Variants in INPP1 observed in about 807,000 individuals in gnomAD.
The protein encoded by INPP1 is inositol polyphosphate 1-phosphatase.
Under a neutral mutation model 23.0 loss-of-function variants are expected in INPP1, and 18 were observed. The observed-to-expected ratio is 0.78, with a 90% CI of 0.54 to 1.16. The LOEUF is 1.16. INPP1 is among the 50% of genes most tolerant of loss of function. The pLI, the probability that INPP1 is intolerant of heterozygous loss-of-function variation, is 0.00. For missense variants in INPP1, 448 were observed against 482.1 expected (o/e 0.93, Z 0.66); for synonymous variants, 164 against 176.3 (o/e 0.93, Z 0.55).
At chr2:190,347,513 A>G (rs1689241760) in intron 1 of INPP1, among the ~76,000 whole-genome samples, 1 of 151,928 alleles carries the variant, frequency 6.6e-6, no homozygotes, top group South Asian at 2.1e-4. Flanking sequence ...TCCTCTTTAC[A>G]TTGCTTTTCT....
At position 190,367,302 on chromosome 2, in the gene INPP1, T is replaced by A. The variant is rs890281071; in HGVS notation, c.466+407T>A. On this transcript the variant is annotated intron_variant, in intron 5 of 6. Coordinates refer to ENST00000392329, the MANE Select transcript of INPP1 (RefSeq NM_001128928.2). This position sits in a 1 kb window ranked among gnomAD's most constrained non-coding sequence, Gnocchi z 4.1. ...TTAGCTTTAGCAGATTGTTACCATA[T>A]GGGAGTACAGGCCAGCTCTTCAGAT... Among the ~76,000 whole-genome samples, 12 of 152,196 alleles carry A rather than the reference T, an allele frequency of 7.9e-5. No homozygotes were observed. The highest frequency in any genetic ancestry group is 2.9e-4 in the African/African-American group (12 of 41,444).
Position 190,367,023 on chromosome 2 carries a change from A to G in INPP1, c.466+128A>G, listed in dbSNP as rs1404549878. 17 of 633,626 alleles carry G rather than the reference A, an allele frequency of 2.7e-5. No homozygotes were observed. Among genetic ancestry groups the G allele is most frequent in the Admixed American group, 5.8e-5 (2 of 34,646 alleles). 39.3% of individuals were successfully genotyped at this position (633,626 alleles called of 1,614,324 possible). A position where few individuals can be genotyped will look rare whatever the true frequency, so the allele number is the denominator to read the frequency against. ...CTCTGCTAGAAGTTTTTAAAATTTT[A>G]AAGTTTTAAAACAATGAGAGTTGAG... On this transcript the variant is annotated intron_variant, in intron 5 of 6. Coordinates refer to ENST00000392329, the MANE Select transcript of INPP1 (RefSeq NM_001128928.2). The surrounding 1 kb of genome is among the most constrained non-coding windows in gnomAD (Gnocchi z 4.1).
chr2:190,357,705 A>G (rs1689444079), intron 2 of INPP1, among the ~76,000 whole-genome samples: 1 of 152,252 alleles, frequency 6.6e-6, no homozygotes, highest in South Asian at 2.1e-4. Flanking sequence ...AACTGGAGTT[A>G]CTGACTAAAG....
chr2:190,366,428 TGTCTCACTC>T (rs1689674181), intron 4 of INPP1, among the ~76,000 whole-genome samples: 21 of 144,618 alleles, frequency 1.5e-4, no homozygotes, highest in Admixed American at 1.4e-3. Context: ...TGTCTCACTC[TGTCTCACTC>T]TGTCTCACTC....
rs1689224182 is a variant in INPP1, at chr2:190,346,779, T to TA, written c.-208-2105dup. ...ACGTGCCACCATCCCAGCTAATTTT[T>TA]AAAATTGTAGAGATGGGGTCCCACT... On this transcript the variant is annotated intron_variant, in intron 1 of 6. Coordinates refer to ENST00000392329, the MANE Select transcript of INPP1 (RefSeq NM_001128928.2). The surrounding 1 kb of genome is among the most constrained non-coding windows in gnomAD (Gnocchi z 5.1). Among the ~76,000 whole-genome samples the TA allele has an allele frequency of 6.6e-6, 1 of 151,888 alleles. No individual in the cohort carries two copies. Among genetic ancestry groups the TA allele is most frequent in the Non-Finnish European group, 1.5e-5 (1 of 67,988 alleles).
chr2:190,370,392 A>G (rs560082405), intron 6 of INPP1, among the ~76,000 whole-genome samples: 1 of 152,386 alleles, frequency 6.6e-6, no homozygotes, highest in East Asian at 1.9e-4. Flanking sequence ...TTGGAAGCCA[A>G]CGTGAAACTA....
chr2:190,370,886 C>T lies in INPP1; in HGVS notation c.684C>T (p.Thr228=), dbSNP rs767807973. The change falls in exon 7 of 7, where the codon ACC becomes ACT. Residue 228 remains threonine, a synonymous_variant. Coordinates refer to ENST00000392329, the MANE Select transcript of INPP1 (RefSeq NM_001128928.2). ...QCYWGLSYMG[T]NMHSLQLTIS... is the part of the protein sequence containing the mutation. ...ATTGGGGCCTTTCTTACATGGGGAC[C>T]AACATGCATTCACTACAGCTCACCA... 6 of 1,613,742 alleles carry T rather than the reference C, an allele frequency of 3.7e-6. No homozygotes were observed. The highest frequency in any genetic ancestry group is 1.7e-5 in the Admixed American group (1 of 59,982).
chr2:190,369,385 G>T, intron 6 of INPP1, 108 bp downstream of exon 6: 3 of 532,106 alleles, frequency 5.6e-6, no homozygotes, highest in Non-Finnish European at 6.6e-6. Context: ...TTAACACATG[G>T]GAGTGTTGCC....
chr2:190,357,387 T>C (rs2067392), intron 2 of INPP1, among the ~76,000 whole-genome samples: 62,558 of 152,058 alleles, frequency 0.41, 14,889 homozygotes, highest in African/African-American at 0.66. Context: ...ATTACTCAGT[T>C]ATAACTACCA....
intron 2 of INPP1, among the ~76,000 whole-genome samples, chr2:190,349,383 GCTGATA>G (rs1689285213): frequency 6.6e-6 from 1 of 152,210 alleles, no homozygotes; most frequent in Non-Finnish European, 1.5e-5. Flanking sequence ...GTTGCAGTGA[GCTGATA>G]CTGTACCATT....
chr2:190,365,728 A>G (rs1206931113), intron 4 of INPP1, among the ~76,000 whole-genome samples: 1 of 152,208 alleles, frequency 6.6e-6, no homozygotes, highest in Non-Finnish European at 1.5e-5. Context: ...TGGGATGGAT[A>G]TATTGCCCTC....
At chr2:190,366,086 TCTCA>T (rs1294788173) in intron 4 of INPP1, among the ~76,000 whole-genome samples, 38 of 151,858 alleles carry the variant, frequency 2.5e-4, no homozygotes, top group Non-Finnish European at 4.9e-4. Flanking sequence ...ACTCTGTCTC[TCTCA>T]GTCTCTCCCT....
intron 6 of INPP1, among the ~76,000 whole-genome samples, chr2:190,369,608 A>G (rs925943428): frequency 2.0e-5 from 3 of 152,226 alleles, no homozygotes; most frequent in African/African-American, 7.2e-5. Flanking sequence ...CTGCCTTCCA[A>G]TACATTGGGA....
chr2:190,371,533 A>G lies in INPP1; in HGVS notation c.*131A>G. ...TTCCTCTTTTGAGGAGTATTTTTCC[A>G]TTATGTATTCATAATAATGTTAATT... On this transcript the variant is annotated 3_prime_UTR_variant, in exon 7 of 7. Coordinates refer to ENST00000392329, the MANE Select transcript of INPP1 (RefSeq NM_001128928.2). This position sits in a 1 kb window ranked among gnomAD's most constrained non-coding sequence, Gnocchi z 5.3. 3.5e-6 allele frequency: 2 copies of G among 568,424 alleles called. No individual in the cohort carries two copies. The highest frequency in any genetic ancestry group is 5.9e-6 in the Non-Finnish European group (2 of 341,126). The allele number at this position is 568,424 out of a possible 1,614,324, so 35.2% of individuals were successfully genotyped here.
chr2:190,355,229 T>A lies in INPP1; in HGVS notation c.-64-4810T>A, dbSNP rs962121916. Among the ~76,000 whole-genome samples, 2 of 152,162 alleles carry A rather than the reference T, an allele frequency of 1.3e-5. No individual in the cohort carries two copies. The highest frequency in any genetic ancestry group is 2.9e-5 in the Non-Finnish European group (2 of 68,032). On this transcript the variant is annotated intron_variant, in intron 2 of 6. Coordinates refer to ENST00000392329, the MANE Select transcript of INPP1 (RefSeq NM_001128928.2). The surrounding 1 kb of genome is among the most constrained non-coding windows in gnomAD (Gnocchi z 5.1). The stretch of plus-strand genomic sequence containing the variant: ...ATAGTACCTACTTCCTAAGGTTATA[T>A]AAGAATTAAATGAGTTAATACATGT...
At chr2:190,369,701 A>G (rs1353795657) in intron 6 of INPP1, among the ~76,000 whole-genome samples, 7 of 152,220 alleles carry the variant, frequency 4.6e-5, no homozygotes, top group South Asian at 2.1e-4. Flanking sequence ...AAATTATCCA[A>G]TGAAAAGATT....
chr2:190,366,929 C>A, intron 5 of INPP1, 34 bp downstream of exon 5: 1 of 1,454,870 alleles, frequency 6.9e-7, no homozygotes, highest in Non-Finnish European at 9.6e-7. Flanking sequence ...TTCTTATTTG[C>A]AATCTTTTTT....
chr2:190,343,819 T>C lies in INPP1; in HGVS notation c.-351T>C, dbSNP rs1689160902. 1 of 160,598 alleles carries C rather than the reference T, an allele frequency of 6.2e-6. No individual in the cohort carries two copies. The highest frequency in any genetic ancestry group is 1.4e-5 in the Non-Finnish European group (1 of 72,720). 9.9% of individuals were successfully genotyped at this position (160,598 alleles called of 1,614,324 possible). A position where few individuals can be genotyped will look rare whatever the true frequency, so the allele number is the denominator to read the frequency against. ...GCCGTCCTCCCCAACCCTCGTCCTC[T>C]GGCCGCGCCTGCGGCCGCACGCCCA... On this transcript the variant is annotated 5_prime_UTR_variant, in exon 1 of 7. Transcript: ENST00000392329.
chr2:190,364,811 C>G lies in INPP1; in HGVS notation c.266-1884C>G, dbSNP rs115095034. Among the ~76,000 whole-genome samples the G allele has an allele frequency of 6.4e-3, 978 of 151,820 alleles. 7 individuals are homozygous for G. The highest frequency in any genetic ancestry group is 0.021 in the South Asian group (99 of 4,794). On this transcript the variant is annotated intron_variant, in intron 4 of 6. Coordinates refer to ENST00000392329, the MANE Select transcript of INPP1 (RefSeq NM_001128928.2). Reference sequence around the variant, plus strand: ...AGAGACAGGGGTTTCACTATGTTGACCAGGGTGGTCTTGAATTCCTGACCT... The same window carrying G: ...AGAGACAGGGGTTTCACTATGTTGAGCAGGGTGGTCTTGAATTCCTGACCT...
Sources: allele counts gnomAD v4.1 joint callset (sites outside exome capture counted in the v4.1 genomes callset), GRCh38; gene constraint gnomAD v4.1.1; non-coding constraint Gnocchi (gnomAD v3.1); transcripts MANE v1.5; gene names NCBI Gene and HGNC (gene_info 2026-07-23, HGNC 2026-07-21).